The following TM2D1 variants were observed in gnomAD, a reference collection of about 807,000 sequenced individuals.
The protein encoded by TM2D1 is TM2 domain-containing protein 1.
Under a neutral mutation model 28.4 loss-of-function variants are expected in TM2D1, and 15 were observed. The observed-to-expected ratio is 0.53, with a 90% CI of 0.35 to 0.81. TM2D1 has a LOEUF of 0.81. Among genes scored for constraint, TM2D1 ranks in the 40% least tolerant of loss-of-function variants. TM2D1 has a pLI of 0.01. For missense variants in TM2D1, 236 were observed against 254.9 expected (o/e 0.93, Z 0.50); for synonymous variants, 93 against 96.2 (o/e 0.97, Z 0.20).
At chr1:61,719,518 G>A (rs1644545602) in intron 2 of TM2D1, among the ~76,000 whole-genome samples, 1 of 152,048 alleles carries the variant, frequency 6.6e-6, no homozygotes, top group East Asian at 1.9e-4. Flanking sequence ...TTGAGACGGA[G>A]TTTCACTCTT....
intron 5 of TM2D1, among the ~76,000 whole-genome samples, chr1:61,691,957 A>G (rs191854709): frequency 0.019 from 2,655 of 136,168 alleles, 169 homozygotes; most frequent in African/African-American, 0.066. Context: ...ATATATATAT[A>G]TATGTATATA....
At chr1:61,708,175 G>A (rs545389416) in intron 3 of TM2D1, among the ~76,000 whole-genome samples, 1 of 152,156 alleles carries the variant, frequency 6.6e-6, no homozygotes, top group South Asian at 2.1e-4. Context: ...CAGCCTCCCA[G>A]TGGCTAGGAC....
intron 2 of TM2D1, among the ~76,000 whole-genome samples, chr1:61,712,271 T>C (rs112347669): frequency 4.6e-5 from 7 of 152,320 alleles, no homozygotes; most frequent in South Asian, 2.1e-4. Flanking sequence ...TGCTATAGAT[T>C]AGTCATCTTC....
intron 2 of TM2D1, among the ~76,000 whole-genome samples, chr1:61,715,259 T>A (rs1401890579): frequency 3.9e-5 from 6 of 152,194 alleles, no homozygotes; most frequent in African/African-American, 1.4e-4. Context: ...GATTTGGATT[T>A]AAGTCCTGTC....
intron 2 of TM2D1, among the ~76,000 whole-genome samples, chr1:61,710,425 C>CAAA: frequency 1.7e-5 from 1 of 58,228 alleles, no homozygotes; most frequent in African/African-American, 6.6e-5. Context: ...GACCCTGTCC[C>CAAA]AAAAAAAAAA....
chr1:61,699,862 T>C (rs1644389567), intron 4 of TM2D1: 1 of 224,858 alleles, frequency 4.4e-6, no homozygotes, highest in South Asian at 1.6e-4. Context: ...ATATAGTACT[T>C]CATGACTTTT....
Position 61,722,356 on chromosome 1 carries a change from T to C in TM2D1, c.238+1357A>G, listed in dbSNP as rs551536542. ...TGTATACATTTATTTTATTTAGATA[T>C]ATTACGCTTAAAGAAACTTTTTCCG... On this transcript the variant is annotated intron_variant, in intron 2 of 6. Transcript: ENST00000606498. Among the ~76,000 whole-genome samples, 3 of 152,206 alleles carry C rather than the reference T, an allele frequency of 2.0e-5. No individual in the cohort carries two copies. In the East Asian group the frequency reaches 5.8e-4, roughly 29 times the overall value.
chr1:61,691,933 A>AAAAAAAATATATATATATATG (rs1491136530), intron 5 of TM2D1, among the ~76,000 whole-genome samples: 1 of 83,026 alleles, frequency 1.2e-5, no homozygotes, highest in African/African-American at 3.4e-5. Context: ...AAAAAAAAAA[A>AAAAAAAATATATATATATATG]TATATATATA....
intron 5 of TM2D1, among the ~76,000 whole-genome samples, chr1:61,691,939 A>ATATATATATATATATATATG (rs1644330404): frequency 1.0e-5 from 1 of 96,056 alleles, no homozygotes; most frequent in Non-Finnish European, 2.1e-5. Flanking sequence ...AAAAATATAT[A>ATATATATATATATATATATG]TATATATATA....
chr1:61,681,773 T>A (rs1045901600), intron 6 of TM2D1, among the ~76,000 whole-genome samples: 1 of 152,172 alleles, frequency 6.6e-6, no homozygotes, highest in African/African-American at 2.4e-5. Flanking sequence ...AAATGCCTAA[T>A]ACAAAATGAT....
intron 5 of TM2D1, among the ~76,000 whole-genome samples, chr1:61,691,137 C>T (rs1644320763): frequency 6.6e-6 from 1 of 152,114 alleles, no homozygotes; most frequent in South Asian, 2.1e-4. Flanking sequence ...TTTGTCTCCA[C>T]TTAATATAAG....
intron 5 of TM2D1, among the ~76,000 whole-genome samples, chr1:61,689,095 A>G (rs1644305991): frequency 6.6e-6 from 1 of 152,218 alleles, no homozygotes; most frequent in Admixed American, 6.5e-5. Context: ...ACATCTAGCA[A>G]ACTATCAAGT....
rs1249725322 is a variant in TM2D1 at position 61,723,786 on chromosome 1, T to C, written c.165A>G (p.Gln55=). 20 of 1,485,420 alleles carry C rather than the reference T, an allele frequency of 1.3e-5. No individual in the cohort carries two copies. The highest frequency in any genetic ancestry group is 2.4e-5 in the East Asian group (1 of 41,670). 92.0% of individuals were successfully genotyped at this position (1,485,420 alleles called of 1,614,324 possible). The change falls in exon 2 of 7, where the codon CAA becomes CAG. Residue 55 remains glutamine (Q), a splice_region_variant and synonymous_variant. Coordinates refer to ENST00000606498, the MANE Select transcript of TM2D1 (RefSeq NM_032027.3). ...SLKCEDLKVG[Q]YICKDPKIND... is the part of the protein sequence containing the mutation. Reference sequence around the variant, plus strand: ...TTATTTTTGGATCTTTACAAATATATGTAAAAAAAAAAGTTAAGGAAATAC... The same window carrying C: ...TTATTTTTGGATCTTTACAAATATACGTAAAAAAAAAAGTTAAGGAAATAC...
chr1:61,682,382 T>C (rs1206349536), intron 6 of TM2D1, among the ~76,000 whole-genome samples: 3 of 152,216 alleles, frequency 2.0e-5, no homozygotes, highest in Non-Finnish European at 4.4e-5. Flanking sequence ...ACATGATATA[T>C]AGGATTTCTC....
At chr1:61,688,897 C>A (rs1305769319) in intron 5 of TM2D1, among the ~76,000 whole-genome samples, 1 of 149,976 alleles carries the variant, frequency 6.7e-6, no homozygotes, top group East Asian at 2.0e-4. Context: ...ATTAGCTGGG[C>A]GCGGTGGCAC....
intron 4 of TM2D1, chr1:61,698,481 C>G (rs1273207716): frequency 6.6e-6 from 1 of 151,812 alleles, no homozygotes; most frequent in African/African-American, 2.4e-5. Context: ...TCACTTGAAC[C>G]CAGGAGGCAG....
At chr1:61,712,029 A>T (rs564694795) in intron 2 of TM2D1, among the ~76,000 whole-genome samples, 7 of 151,728 alleles carry the variant, frequency 4.6e-5, no homozygotes, top group Non-Finnish European at 1.0e-4. Context: ...ACCATGATGT[A>T]ACTAGCCCTA....
intron 4 of TM2D1, among the ~76,000 whole-genome samples, chr1:61,695,221 C>T (rs1340808682): frequency 1.3e-5 from 2 of 151,592 alleles, no homozygotes; most frequent in Non-Finnish European, 2.9e-5. Flanking sequence ...CAGGAAAAAA[C>T]ACTGCTCTTG....
At chr1:61,709,153 A>C (rs925660286) in intron 3 of TM2D1, among the ~76,000 whole-genome samples, 176 bp downstream of exon 3, 3 of 152,172 alleles carry the variant, frequency 2.0e-5, no homozygotes, top group African/African-American at 7.2e-5. Context: ...TGACTAAGCA[A>C]GACCTTATCT....
Sources: gnomAD v4.1 joint callset for allele counts (sites outside exome capture counted in the v4.1 genomes callset) on GRCh38, gnomAD v4.1.1 for gene constraint, MANE v1.5 for transcripts, NCBI Gene and HGNC (gene_info 2026-07-23, HGNC 2026-07-21) for gene names.